INSRR: variants seen among roughly 807,000 people sequenced by gnomAD.
The protein encoded by INSRR is insulin receptor-related protein.
INSRR carries 114 observed loss-of-function variants against 130.0 expected under a neutral mutation model. That is an observed-to-expected ratio of 0.88 (90% confidence interval 0.75 to 1.02). The LOEUF is 1.02. INSRR is among the 50% of genes least tolerant of loss of function. The probability of loss-of-function intolerance (pLI) is 0.00; values close to 1 mark genes in which losing one functional copy is unlikely to be tolerated. For synonymous variants in INSRR, 674 were observed against 705.2 expected (o/e 0.96, Z 0.70); for missense variants, 1,657 against 1,735.2 (o/e 0.95, Z 0.80).
Position 156,853,840 on chromosome 1 carries a change from C to A in INSRR, c.549G>T (p.Val183=). The A allele has an allele frequency of 6.2e-7, 1 of 1,613,912 alleles. No homozygotes were observed. The highest frequency in any genetic ancestry group is 8.5e-7 in the Non-Finnish European group (1 of 1,179,980). The stretch of plus-strand genomic sequence containing the variant: ...CACAGGGCTCACCAGCAGCACCCAG[C>A]ACACCAGGGCACACGTCAGCACACT... ...GEECADVCPG[V]LGAAGEPCAK... The change falls in exon 2 of 22, where the codon GTG becomes GTT. Residue 183 remains valine, a synonymous_variant. Coordinates refer to ENST00000368195, the MANE Select transcript of INSRR (RefSeq NM_014215.3).
At position 156,849,394 on chromosome 1, in the gene INSRR, C is replaced by A. The variant is rs778861070; in HGVS notation, c.1296G>T (p.Gly432=). ...AGATCTTGCCCACGGGAATGGTGAG[C>A]CCCGCGGCCACCCAGGACCCTAGCT... The part of the protein sequence containing the change: ...LQQLGSWVAA[G]LTIPVGKIYF... The change falls in exon 6 of 22, where the codon GGG becomes GGT. Residue 432 remains glycine (G), a synonymous_variant. Transcript: ENST00000368195. 3.7e-6 allele frequency: 6 copies of A among 1,613,916 alleles called. No homozygotes were observed. The highest frequency in any genetic ancestry group is 2.2e-5 in the East Asian group (1 of 44,866).
rs984192969 is a variant in INSRR, at chr1:156,851,996, T to A, written c.833A>T (p.Glu278Val). Residue 278 changes from glutamate to valine, a missense_variant, in exon 3 of 22, where the codon GAG (glutamate) becomes GTG (valine). Glu to Val is a moderately radical substitution (Grantham distance 121, BLOSUM62 -2). Coordinates refer to ENST00000368195, the MANE Select transcript of INSRR (RefSeq NM_014215.3). ...QYESWRCVTA[E>V]RCASLHSVPG... ...CACAGAGTGCAGGCTGGCACAGCGC[T>A]CAGCTGTGACACAGCGCCAGGACTC... 13 of 1,612,104 alleles carry A rather than the reference T, an allele frequency of 8.1e-6. No individual in the cohort carries two copies. The highest frequency in any genetic ancestry group is 1.1e-5 in the Non-Finnish European group (13 of 1,178,820).
Position 156,848,988 on chromosome 1 carries a change from G to C in INSRR, c.1504C>G (p.Arg502Gly). The change falls in exon 7 of 22, where the codon CGC becomes GGC. Residue 502 changes from arginine (R) to glycine (G), a missense_variant. Coordinates refer to ENST00000368195, the MANE Select transcript of INSRR (RefSeq NM_014215.3). ...TCCAGTGGCTCATAGCGCTCCCAGCGTAGCAGGATGCGGTCTGCCTCCGTC... is the reference window on the plus strand; with the variant it reads ...TCCAGTGGCTCATAGCGCTCCCAGCCTAGCAGGATGCGGTCTGCCTCCGTC... ...NVTEADRILL[R>G]WERYEPLEAR... 6.2e-7 allele frequency: 1 copy of C among 1,611,840 alleles called. No homozygotes were observed. The highest frequency in any genetic ancestry group is 2.2e-5 in the East Asian group (1 of 44,796).
At position 156,843,190 on chromosome 1, in the gene INSRR, C is replaced by A; in HGVS notation, c.2940G>T (p.Ser980=). The change falls in exon 17 of 22, where the codon TCG becomes TCT. Residue 980 remains serine (S), a synonymous_variant. Coordinates refer to ENST00000368195, the MANE Select transcript of INSRR (RefSeq NM_014215.3). ...DEWEVPREQI[S]IIRELGQGSF... is the part of the protein sequence containing the mutation. The stretch of plus-strand genomic sequence containing the variant: ...AGCCCTGGCCCAGTTCCCGGATTAT[C>A]GAGATCTGCTCCCGAGGCACCTCCC... 6.2e-7 allele frequency: 1 copy of A among 1,614,116 alleles called. No individual in the cohort carries two copies.
chr1:156,856,821 C>T (rs1655420973), intron 1 of INSRR, among the ~76,000 whole-genome samples: 1 of 152,144 alleles, frequency 6.6e-6, no homozygotes, highest in Non-Finnish European at 1.5e-5. Flanking sequence ...CTGGGTGTGT[C>T]TCGCTTCTTC....
chr1:156,849,103 A>T, intron 6 of INSRR, 56 bp from the exon 7 acceptor site: 1 of 1,599,240 alleles, frequency 6.3e-7, no homozygotes, highest in Non-Finnish European at 8.5e-7. Flanking sequence ...TTGAGCGCCC[A>T]CCCTGACCCC....
intron 7 of INSRR, among the ~76,000 whole-genome samples, 199 bp downstream of exon 7, chr1:156,848,722 G>C (rs1655094154): frequency 6.6e-6 from 1 of 152,188 alleles, no homozygotes; most frequent in African/African-American, 2.4e-5. Context: ...CACTTGGTGA[G>C]GGGAAACCGA....
chr1:156,851,935 G>C lies in INSRR; in HGVS notation c.894C>G (p.Gly298=). Reference sequence around the variant, plus strand: ...CAGAAGGGCACTGGGCCAGGCAACTGCCCTGGTGTATGCCGAAGGTGGAGG... The same window carrying C: ...CAGAAGGGCACTGGGCCAGGCAACTCCCCTGGTGTATGCCGAAGGTGGAGG... ...GRASTFGIHQ[G]SCLAQCPSGF... is the part of the protein sequence containing the mutation. Residue 298 remains glycine (G), a synonymous_variant, in exon 3 of 22, where the codon GGC becomes GGG. Coordinates refer to ENST00000368195, the MANE Select transcript of INSRR (RefSeq NM_014215.3). 6.2e-7 allele frequency: 1 copy of C among 1,603,716 alleles called. No homozygotes were observed. The highest frequency in any genetic ancestry group is 8.5e-7 in the Non-Finnish European group (1 of 1,172,264).
In INSRR at chr1:156,844,716, G is replaced by A. The variant is rs146646622; in HGVS notation, c.2565C>T (p.Arg855=). Residue 855 remains arginine, a synonymous_variant, in exon 13 of 22, where the codon CGC becomes CGT. Coordinates refer to ENST00000368195, the MANE Select transcript of INSRR (RefSeq NM_014215.3). ...LILKYEIKYR[R]LGEEATVLCV... is the part of the protein sequence containing the mutation. ...TCCCACGGGCACCTACCTCTCCCAAGCGGCGGTACTTGATTTCGTACTTGA... is the reference window on the plus strand; with the variant it reads ...TCCCACGGGCACCTACCTCTCCCAAACGGCGGTACTTGATTTCGTACTTGA... 1,502 of 1,614,158 alleles carry A rather than the reference G, an allele frequency of 9.3e-4. No individual in the cohort carries two copies. Among genetic ancestry groups the A allele is most frequent in the Non-Finnish European group, 1.1e-3 (1,334 of 1,180,032 alleles).
In INSRR at chr1:156,841,774, C is replaced by T. The variant is rs367830047; in HGVS notation, c.3418G>A (p.Val1140Met). The T allele has an allele frequency of 2.1e-5, 34 of 1,614,024 alleles. No individual in the cohort carries two copies. Among genetic ancestry groups the T allele is most frequent in the Middle Eastern group, 1.6e-4 (1 of 6,084 alleles). The change falls in exon 20 of 22, where the codon GTG becomes ATG. Residue 1140 changes from valine (V) to methionine (M), a missense_variant. Transcript: ENST00000368195. ...KIGDFGMTRD[V>M]YETDYYRKGG... ...TTGCGGTAATAGTCTGTCTCATACA[C>T]GTCCCGAGTCATCCCGAAGTCTGGA...
intron 10 of INSRR, 55 bp downstream of exon 10, chr1:156,845,550 CTCCCGCAAGACCCG>C: frequency 3.6e-6 from 5 of 1,390,806 alleles, no homozygotes; most frequent in South Asian, 1.4e-5. Flanking sequence ...AACCCCACCC[CTCCCGCAAGACCCG>C]CCCCTCACAG....
Position 156,848,975 on chromosome 1 carries a change from T to C in INSRR, c.1517A>G (p.Tyr506Cys). The C allele has an allele frequency of 6.2e-7, 1 of 1,608,418 alleles. No homozygotes were observed. Among genetic ancestry groups the C allele is most frequent in the Non-Finnish European group, 8.5e-7 (1 of 1,177,884 alleles). ...CAGGTCGCGGGCCTCCAGTGGCTCATAGCGCTCCCAGCGTAGCAGGATGCG... is the reference window on the plus strand; with the variant it reads ...CAGGTCGCGGGCCTCCAGTGGCTCACAGCGCTCCCAGCGTAGCAGGATGCG... ...ADRILLRWER[Y>C]EPLEARDLLS... is the part of the protein sequence containing the mutation. Residue 506 changes from tyrosine to cysteine, a missense_variant, in exon 7 of 22, where the codon TAT (tyrosine) becomes TGT (cysteine). Tyr to Cys is a radical substitution (Grantham distance 194). Transcript: ENST00000368195.
intron 7 of INSRR, 27 bp downstream of exon 7, chr1:156,848,894 C>T (rs1655103009): frequency 1.3e-6 from 2 of 1,549,924 alleles, no homozygotes; most frequent in Non-Finnish European, 1.7e-6. Flanking sequence ...GTCCCGCCCC[C>T]GCTCCGGCCC....
chr1:156,847,560 G>C (rs760498430), intron 7 of INSRR, among the ~76,000 whole-genome samples: 2 of 152,160 alleles, frequency 1.3e-5, no homozygotes, highest in African/African-American at 4.8e-5. Flanking sequence ...CTGAGCCAGG[G>C]ACAAAACTTG....
chr1:156,840,826 C>T lies in INSRR; in HGVS notation c.*47G>A, dbSNP rs748572791. On this transcript the variant is annotated 3_prime_UTR_variant, in exon 22 of 22. Coordinates refer to ENST00000368195, the MANE Select transcript of INSRR (RefSeq NM_014215.3). ...GGCGTCTCAGCCACAGAGGTCGGGTCCCTTCCTGTCTCCCCATGGGAGGCC... is the reference window on the plus strand; with the variant it reads ...GGCGTCTCAGCCACAGAGGTCGGGTTCCTTCCTGTCTCCCCATGGGAGGCC... The T allele has an allele frequency of 2.1e-6, 3 of 1,445,518 alleles. No individual in the cohort carries two copies. The highest frequency in any genetic ancestry group is 1.4e-5 in the African/African-American group (1 of 71,524). The allele number at this position is 1,445,518 out of a possible 1,614,324, so 89.5% of individuals were successfully genotyped here. A position where few individuals can be genotyped will look rare whatever the true frequency, so the allele number is the denominator to read the frequency against.
rs1000242834 is a variant in INSRR at position 156,854,417 on chromosome 1, G to A, written c.86-114C>T. 9.5e-5 allele frequency: 109 copies of A among 1,144,806 alleles called. No homozygotes were observed. Among genetic ancestry groups the A allele is most frequent in the Middle Eastern group, 2.9e-4 (1 of 3,482 alleles). 70.9% of individuals were successfully genotyped at this position (1,144,806 alleles called of 1,614,324 possible). Reference sequence around the variant, plus strand: ...GCAGTAGGACAATGAGTGAGGAGCCGGGCTCTGCTCTGGGTGTGGGGTGGC... The same window carrying A: ...GCAGTAGGACAATGAGTGAGGAGCCAGGCTCTGCTCTGGGTGTGGGGTGGC... On this transcript the variant is annotated intron_variant, in intron 1 of 21. Coordinates refer to ENST00000368195, the MANE Select transcript of INSRR (RefSeq NM_014215.3). The surrounding 1 kb of genome is among the most constrained non-coding windows in gnomAD (Gnocchi z 4.2).
rs779653748 is a variant in INSRR at position 156,841,061 on chromosome 1, G to A, written c.3706C>T (p.Arg1236Cys). The A allele has an allele frequency of 2.3e-5, 36 of 1,579,872 alleles. No homozygotes were observed. Among genetic ancestry groups the A allele is most frequent in the East Asian group, 4.6e-5 (2 of 43,018 alleles). ...SRCWQPNPRL[R>C]PSFTHILDSI... ...TCCAGAATGTGTGTGAAAGATGGGC[G>A]CAGGCGTGGGTTCGGCTGCCAGCAG... Residue 1236 changes from arginine to cysteine, a missense_variant, in exon 22 of 22, where the codon CGC becomes TGC. Coordinates refer to ENST00000368195, the MANE Select transcript of INSRR (RefSeq NM_014215.3).
chr1:156,852,612 C>T (rs1463275585), intron 2 of INSRR, among the ~76,000 whole-genome samples: 10 of 152,328 alleles, frequency 6.6e-5, no homozygotes, highest in Admixed American at 5.2e-4. Flanking sequence ...CGACATCTGT[C>T]GTTTTACCCA....
rs752843641 is a variant in INSRR, at chr1:156,843,136, T to C, written c.2994A>G (p.Ala998=). The C allele has an allele frequency of 4.3e-6, 7 of 1,614,160 alleles. No individual in the cohort carries two copies. The Admixed American group carries it at 1.0e-4, about 23-fold the overall frequency. Residue 998 remains alanine, a synonymous_variant, in exon 17 of 22, where the codon GCA becomes GCG. Transcript: ENST00000368195. ...GSFGMVYEGL[A]RGLEAGEEST... ...ACTCCTCTCCAGCCTCAAGTCCTCG[T>C]GCCAGCCCCTCATATACCATCCCAA... is the stretch of plus-strand genomic sequence containing the variant.
Sources: gnomAD v4.1 joint callset for allele counts (sites outside exome capture counted in the v4.1 genomes callset) on GRCh38, gnomAD v4.1.1 for gene constraint, Gnocchi (gnomAD v3.1) non-coding constraint, MANE v1.5 for transcripts, NCBI Gene and HGNC (gene_info 2026-07-23, HGNC 2026-07-21) for gene names.